TMEM114: variants seen among roughly 807,000 people sequenced by gnomAD.
TMEM114 encodes the protein claudin-26.
Under a neutral mutation model 6.2 loss-of-function variants are expected in TMEM114, and 6 were observed. That is an observed-to-expected ratio of 0.97 (90% CI 0.53 to 1.91). The LOEUF is 1.91. Ranked by LOEUF, TMEM114 falls within the 40% of genes most tolerant of loss-of-function variation. The pLI is 0.01. For synonymous variants in TMEM114, 104 were observed against 73.0 expected (o/e 1.42, Z -2.16); for missense variants, 218 against 158.3 (o/e 1.38, Z -2.02).
intron 2 of TMEM114, among the ~76,000 whole-genome samples, chr16:8,584,838 C>T (rs1055581514): frequency 2.0e-5 from 3 of 146,914 alleles, no homozygotes. Flanking sequence ...AGAAGAATTG[C>T]TTAAATCCAG....
At chr16:8,586,931 T>A (rs1902340973) in intron 2 of TMEM114, among the ~76,000 whole-genome samples, 1 of 152,100 alleles carries the variant, frequency 6.6e-6, no homozygotes. Flanking sequence ...ACATTCCAGG[T>A]GTCTAGGGTA....
chr16:8,565,688 C>T (rs560038817), downstream of TMEM114, among the ~76,000 whole-genome samples: 4 of 152,208 alleles, frequency 2.6e-5, no homozygotes, highest in African/African-American at 4.8e-5. Flanking sequence ...ACTCTCACCC[C>T]TGCAGGCCGG....
intron 2 of TMEM114, among the ~76,000 whole-genome samples, chr16:8,538,005 T>A (rs890501489): frequency 2.0e-5 from 3 of 151,864 alleles, no homozygotes; most frequent in Admixed American, 2.0e-4. Context: ...TATTTAAACA[T>A]TTTTGCCCTG....
chr16:8,568,975 C>T (rs1438108337), downstream of TMEM114, among the ~76,000 whole-genome samples: 1 of 152,238 alleles, frequency 6.6e-6, no homozygotes, highest in Non-Finnish European at 1.5e-5. Context: ...GCCTCGGCAT[C>T]GCCTGGAAGC....
intron 2 of TMEM114, among the ~76,000 whole-genome samples, chr16:8,553,228 AG>A (rs1900901419): frequency 6.6e-6 from 1 of 152,228 alleles, no homozygotes; most frequent in Non-Finnish European, 1.5e-5. Context: ...TTCCAGACCA[AG>A]AATCAAGACC....
intron 2 of TMEM114, among the ~76,000 whole-genome samples, chr16:8,585,572 A>G (rs901692737): frequency 3.3e-5 from 5 of 152,086 alleles, no homozygotes; most frequent in African/African-American, 1.2e-4. Context: ...TCTTCATATA[A>G]TAGAAGAGCT....
At chr16:8,531,798 T>G in the TMEM114 span, 1 of 152,194 alleles carries the variant, frequency 6.6e-6, no homozygotes, top group East Asian at 1.9e-4. Context: ...ATGAGAAAAC[T>G]GAATAGTCTG....
intron 2 of TMEM114, among the ~76,000 whole-genome samples, chr16:8,563,102 GGAATGAGTGAGT>G (rs1349102492): frequency 1.5e-4 from 22 of 149,194 alleles, no homozygotes; most frequent in Admixed American, 2.0e-4. Context: ...AGGGAGGGAG[GGAATGAGTGAGT>G]GAATGAGTGA....
chr16:8,537,648 T>A (rs1191479749), exon 3 of TMEM114: 1 of 152,242 alleles, frequency 6.6e-6, no homozygotes, highest in Non-Finnish European at 1.5e-5. Flanking sequence ...CTATTTTTCA[T>A]AACCATGATA....
chr16:8,528,854 G>C, the TMEM114 span, among the ~76,000 whole-genome samples: 1 of 152,224 alleles, frequency 6.6e-6, no homozygotes, highest in East Asian at 1.9e-4. Context: ...TACAGGATGT[G>C]TGAATTTGCA....
rs977516786 is a variant in TMEM114, at chr16:8,569,693, G to C, written c.*80C>G. ...TCCCCGAGTGGCCTTTGAGGAAGAA[G>C]AGGCCGCAGCCGATGGAGATCGGTC... On this transcript the variant is annotated 3_prime_UTR_variant, in exon 4 of 4. Transcript: ENST00000620492. The C allele has an allele frequency of 3.4e-6, 5 of 1,460,250 alleles. No homozygotes were observed. Among genetic ancestry groups the C allele is most frequent in the Non-Finnish European group, 4.5e-6 (5 of 1,106,272 alleles). The allele number at this position is 1,460,250 out of a possible 1,614,324, so 90.5% of individuals were successfully genotyped here.
At chr16:8,563,715 G>A (rs544798117) in intron 2 of TMEM114, among the ~76,000 whole-genome samples, 2 of 148,702 alleles carry the variant, frequency 1.3e-5, no homozygotes, top group African/African-American at 2.6e-5. Context: ...ATGAGTGAGT[G>A]AGTGAATGAG....
intron 2 of TMEM114, among the ~76,000 whole-genome samples, chr16:8,540,354 C>A (rs1596465434): frequency 6.6e-6 from 1 of 152,226 alleles, no homozygotes; most frequent in African/African-American, 2.4e-5. Context: ...GCTGATCGCT[C>A]GCCTGCTGGG....
chr16:8,570,068 C>G, intron 3 of TMEM114, 63 bp from the exon 4 acceptor site: 1 of 1,498,530 alleles, frequency 6.7e-7, no homozygotes, highest in East Asian at 2.5e-5. Flanking sequence ...TCCCCTCCTC[C>G]TCCTCGCCCT....
At chr16:8,567,277 C>T (rs1057332224), downstream of TMEM114, among the ~76,000 whole-genome samples, 12 of 152,120 alleles carry the variant, frequency 7.9e-5, no homozygotes, top group African/African-American at 2.9e-4. Context: ...ATTATTGGTT[C>T]ATGGGTTTAT....
At chr16:8,554,411 T>TTAA (rs1555462559) in intron 2 of TMEM114, among the ~76,000 whole-genome samples, 5 of 151,842 alleles carry the variant, frequency 3.3e-5, no homozygotes, top group African/African-American at 1.2e-4. Flanking sequence ...ATAATAATAA[T>TTAA]AATAATAATA....
intron 2 of TMEM114, among the ~76,000 whole-genome samples, chr16:8,581,168 G>A (rs992141142): frequency 6.6e-6 from 1 of 152,126 alleles, no homozygotes; most frequent in African/African-American, 2.4e-5. Flanking sequence ...TTTGAGGGGG[G>A]ATAATAAATG....
Position 8,553,152 on chromosome 16 carries a change from C to T in TMEM114, n.213-15326G>A, listed in dbSNP as rs117049237. Among the ~76,000 whole-genome samples the T allele has an allele frequency of 2.8e-3, 425 of 152,334 alleles. 3 individuals are homozygous for T. Among genetic ancestry groups the T allele is most frequent in the Non-Finnish European group, 3.7e-3 (251 of 68,042 alleles). ...GAGAGCACAAGAGTGCCGATCGCAGCCGTTTCATTCCTCTGGTCTGAGAAA... is the reference window on the plus strand; with the variant it reads ...GAGAGCACAAGAGTGCCGATCGCAGTCGTTTCATTCCTCTGGTCTGAGAAA... On this transcript the variant is annotated intron_variant and non_coding_transcript_variant, in intron 2 of 2. Transcript: ENST00000623677.
At chr16:8,583,394 A>G (rs1182746170) in intron 2 of TMEM114, among the ~76,000 whole-genome samples, 4 of 152,144 alleles carry the variant, frequency 2.6e-5, no homozygotes, top group African/African-American at 9.7e-5. Flanking sequence ...TGCTTTGTTT[A>G]TGTGATCTCA....
Sources: allele counts gnomAD v4.1 joint callset (sites outside exome capture counted in the v4.1 genomes callset), GRCh38; gene constraint gnomAD v4.1.1; transcripts MANE v1.5; gene names NCBI Gene and HGNC (gene_info 2026-07-23, HGNC 2026-07-21).